The following SP140 variants were observed in gnomAD, a reference collection of about 807,000 sequenced individuals.
The protein encoded by SP140 is SP140 nuclear body protein.
A neutral mutation model predicts 125.0 loss-of-function variants in SP140; 81 were observed. That is an observed-to-expected ratio of 0.65 (90% CI 0.54 to 0.78). The LOEUF (loss-of-function observed/expected upper bound fraction) is 0.78. Among genes scored for constraint, SP140 ranks in the 30% least tolerant of loss-of-function variants. SP140 has a pLI of 0.00. For missense variants in SP140, 858 were observed against 1,037.0 expected, an observed-to-expected ratio of 0.83 and a Z score of 2.37; for synonymous variants, 312 against 354.0, an observed-to-expected ratio of 0.88 and a Z score of 1.33.
chr2:230,299,648 G>A (rs1244471822), intron 22 of SP140, among the ~76,000 whole-genome samples: 1 of 152,156 alleles, frequency 6.6e-6, no homozygotes, highest in African/African-American at 2.4e-5. Context: ...AGCCATGGCA[G>A]GCAGGGAGGG....
At chr2:230,215,003 A>G in intron 3 of SP140, 1 of 1,614,088 alleles carries the variant, frequency 6.2e-7, no homozygotes, top group Non-Finnish European at 8.5e-7. Context: ...ACGCAGGTTA[A>G]TTTGACTGAA....
intron 1 of SP140, 108 bp from the exon 2 acceptor site, chr2:230,236,975 A>G: frequency 1.4e-6 from 1 of 735,672 alleles, no homozygotes; most frequent in Admixed American, 3.2e-5. Flanking sequence ...TGCTTATTTT[A>G]TACATGTTGG....
downstream of SP140, among the ~76,000 whole-genome samples, chr2:230,313,882 G>A (rs1222720419): frequency 6.6e-6 from 1 of 152,170 alleles, no homozygotes; most frequent in Non-Finnish European, 1.5e-5. Context: ...TAAGAAGTGA[G>A]GAAAAGTAAC....
chr2:230,310,488 C>A, intron 23 of SP140: 1 of 804,672 alleles, frequency 1.2e-6, no homozygotes, highest in Non-Finnish European at 1.9e-6. Context: ...CCCAGCAGCT[C>A]AGACAGAGAA....
At chr2:230,288,610 A>G (rs1320895591) in intron 18 of SP140, among the ~76,000 whole-genome samples, 1 of 151,626 alleles carries the variant, frequency 6.6e-6, no homozygotes, top group South Asian at 2.1e-4. Context: ...TCCTAATGCT[A>G]TCCTTCCCCT....
upstream of SP140, chr2:230,202,511 G>T (rs1383686861): frequency 2.0e-6 from 3 of 1,482,384 alleles, no homozygotes; most frequent in Non-Finnish European, 2.8e-6. Flanking sequence ...ACTTAACTCT[G>T]TACCTGCTTC....
At chr2:230,251,198 T>C in intron 10 of SP140, 137 bp downstream of exon 10, 1 of 713,076 alleles carries the variant, frequency 1.4e-6, no homozygotes, top group Non-Finnish European at 2.4e-6. Context: ...ATTTTTCACA[T>C]TTTCTATACA....
At chr2:230,196,931 C>A in the SP140 span, among the ~76,000 whole-genome samples, 3 of 152,162 alleles carry the variant, frequency 2.0e-5, no homozygotes, top group Non-Finnish European at 4.4e-5. Context: ...TTTTCTTAAT[C>A]CAGTCTATCG....
At chr2:230,238,531 A>G (rs2048289785) in intron 3 of SP140, 150 bp downstream of exon 3, 3 of 797,932 alleles carry the variant, frequency 3.8e-6, no homozygotes, top group African/African-American at 1.7e-5. Flanking sequence ...AAAAACACAC[A>G]TGTCCCATGT....
Position 230,307,292 on chromosome 2 carries a change from C to G in SP140, c.2059-2632C>G, listed in dbSNP as rs1282100830. 2.0e-5 allele frequency among the ~76,000 whole-genome samples: 3 copies of G among 152,358 alleles called. No homozygotes were observed. The East Asian group carries it at 5.8e-4, about 29-fold the overall frequency. On this transcript the variant is annotated intron_variant, in intron 22 of 26. Transcript: ENST00000392045. ...TCACCCTCCATTTGTCAGCGTCCCT[C>G]ATTCTTCCTGGTTGCAGGACAAAAG...
chr2:230,229,279 C>T (rs2046896544), intron 1 of SP140, among the ~76,000 whole-genome samples: 1 of 151,660 alleles, frequency 6.6e-6, no homozygotes, highest in Non-Finnish European at 1.5e-5. Context: ...CATAACCACT[C>T]AATATGTTGT....
At chr2:230,216,417 C>G (rs919323104) in intron 3 of SP140, among the ~76,000 whole-genome samples, 1 of 152,140 alleles carries the variant, frequency 6.6e-6, no homozygotes, top group African/African-American at 2.4e-5. Context: ...TAAGGATTTC[C>G]AACAGCTACC....
chr2:230,257,457 T>C (rs774569923), intron 12 of SP140, among the ~76,000 whole-genome samples: 8 of 152,062 alleles, frequency 5.3e-5, no homozygotes, highest in Non-Finnish European at 1.0e-4. Flanking sequence ...AATAAAAAGA[T>C]ATCACTAGTA....
chr2:230,284,224 T>A, intron 15 of SP140, 122 bp from the exon 16 acceptor site: 1 of 873,354 alleles, frequency 1.1e-6, no homozygotes, highest in East Asian at 2.7e-5. Context: ...GATCATAAAG[T>A]ATTTTGCCCC....
In SP140 at chr2:230,244,989, T is replaced by C; in HGVS notation, c.573T>C (p.Gly191=). Residue 191 remains glycine (G), a splice_region_variant and synonymous_variant, in exon 6 of 27, where the codon GGT becomes GGC. Coordinates refer to ENST00000392045, the MANE Select transcript of SP140 (RefSeq NM_007237.5). ...ALSSSPRCEP[G]FSSESCEQLA... is the part of the protein sequence containing the mutation. ...TCACTGTGCCTTGTTTATTTCCAGG[T>C]TTCTCTTCAGAGTCTTGTGAGCAGT... 1.2e-6 allele frequency: 2 copies of C among 1,610,492 alleles called. No homozygotes were observed. The highest frequency in any genetic ancestry group is 1.7e-6 in the Non-Finnish European group (2 of 1,177,542).
At chr2:230,190,756 G>A in the SP140 span, among the ~76,000 whole-genome samples, 1 of 152,200 alleles carries the variant, frequency 6.6e-6, no homozygotes, top group African/African-American at 2.4e-5. Flanking sequence ...AAGGGGTCCA[G>A]TTTCAGTTTT....
intron 20 of SP140, among the ~76,000 whole-genome samples, chr2:230,293,869 A>G (rs1438280231): frequency 2.0e-5 from 3 of 152,120 alleles, no homozygotes; most frequent in African/African-American, 7.2e-5. Flanking sequence ...AGGTTGTCCC[A>G]TCTTCATGTG....
Position 230,312,805 on chromosome 2 carries a change from G to T in SP140, c.*121G>T. The T allele has an allele frequency of 1.4e-6, 1 of 701,256 alleles. No homozygotes were observed. Among genetic ancestry groups the T allele is most frequent in the South Asian group, 1.6e-5 (1 of 63,750 alleles). The allele number at this position is 701,256 out of a possible 1,614,324, so 43.4% of individuals were successfully genotyped here. On this transcript the variant is annotated 3_prime_UTR_variant, in exon 27 of 27. Coordinates refer to ENST00000392045, the MANE Select transcript of SP140 (RefSeq NM_007237.5). ...CACATGCAGGGAGGGGCTTTTCTCT[G>T]AGCCTCCTTCATCTGCCCAAAGACA...
chr2:230,261,816 G>A (rs374355969), intron 12 of SP140, among the ~76,000 whole-genome samples: 4 of 152,080 alleles, frequency 2.6e-5, no homozygotes, highest in African/African-American at 7.2e-5. Context: ...CTTCATCGTC[G>A]TGGATTATCT....
Sources: gnomAD v4.1 joint callset for allele counts (sites outside exome capture counted in the v4.1 genomes callset) on GRCh38, gnomAD v4.1.1 for gene constraint, MANE v1.5 for transcripts, NCBI Gene and HGNC (gene_info 2026-07-23, HGNC 2026-07-21) for gene names.